NEBL: variants seen among roughly 807,000 people sequenced by gnomAD.
The protein encoded by NEBL is LIM and SH3 protein 2.
Under a neutral mutation model 140.2 loss-of-function variants are expected in NEBL, and 122 were observed. The observed-to-expected ratio is 0.87, with a 90% CI of 0.75 to 1.01. NEBL has a LOEUF of 1.01. Ranked by LOEUF, NEBL falls within the 50% of genes least tolerant of loss-of-function variation. The pLI, the probability that NEBL is intolerant of heterozygous loss-of-function variation, is 0.00. For missense variants in NEBL, 1,365 were observed against 1,231.3 expected, an observed-to-expected ratio of 1.11 and a Z score of -1.62; for synonymous variants, 436 against 398.9, an observed-to-expected ratio of 1.09 and a Z score of -1.11.
intron 12 of NEBL, among the ~76,000 whole-genome samples, chr10:20,842,019 T>C (rs918722004): frequency 2.0e-5 from 3 of 152,152 alleles, no homozygotes; most frequent in African/African-American, 7.2e-5. Context: ...ATGAAAATCA[T>C]AAATATCTTA....
chr10:20,951,192 C>T (rs1486346855), intron 4 of NEBL, among the ~76,000 whole-genome samples: 1 of 152,094 alleles, frequency 6.6e-6, no homozygotes, highest in Non-Finnish European at 1.5e-5. Context: ...AAGCAAAAAA[C>T]ATGACTTCCT....
chr10:20,795,308 G>A (rs2131663230), intron 26 of NEBL, among the ~76,000 whole-genome samples: 1 of 152,236 alleles, frequency 6.6e-6, no homozygotes, highest in Non-Finnish European at 1.5e-5. Context: ...TAGGCTCATA[G>A]AGGTTACTCT....
intron 2 of NEBL, among the ~76,000 whole-genome samples, chr10:21,120,676 A>G (rs1278728147): frequency 1.1e-5 from 1 of 91,432 alleles, no homozygotes; most frequent in African/African-American, 4.5e-5. Context: ...GTATTTCATG[A>G]CAGCAAAAAA....
intron 2 of NEBL, among the ~76,000 whole-genome samples, chr10:21,052,568 T>C (rs1184933050): frequency 6.6e-6 from 1 of 152,196 alleles, no homozygotes; most frequent in African/African-American, 2.4e-5. Context: ...CAGCTGACTG[T>C]CACCGATTGG....
chr10:21,044,527 T>C (rs1238835294), intron 2 of NEBL, among the ~76,000 whole-genome samples: 3 of 150,712 alleles, frequency 2.0e-5, no homozygotes, highest in Non-Finnish European at 4.4e-5. Context: ...TGCTGATTCA[T>C]GCAGTGCTGT....
At chr10:21,163,308 G>C (rs368474172) in intron 2 of NEBL, among the ~76,000 whole-genome samples, 12 of 152,322 alleles carry the variant, frequency 7.9e-5, no homozygotes, top group African/African-American at 2.9e-4. Context: ...GGCAGGAAAT[G>C]CATGAAGCTC....
At chr10:21,088,523 A>C (rs144222666) in intron 2 of NEBL, among the ~76,000 whole-genome samples, 169 of 152,210 alleles carry the variant, frequency 1.1e-3, no homozygotes, top group African/African-American at 3.5e-3. Flanking sequence ...GAAGTGACAC[A>C]CATCACTCTG....
intron 3 of NEBL, among the ~76,000 whole-genome samples, chr10:21,191,548 T>C (rs1841574055): frequency 6.6e-6 from 1 of 152,198 alleles, no homozygotes; most frequent in Admixed American, 6.5e-5. Context: ...CTTTGGAATG[T>C]CCTATCGTAT....
chr10:21,200,180 C>T (rs182963562), intron 3 of NEBL, among the ~76,000 whole-genome samples: 1 of 152,204 alleles, frequency 6.6e-6, no homozygotes, highest in East Asian at 1.9e-4. Flanking sequence ...CATGCGGCCC[C>T]CACTCGCTAC....
intron 4 of NEBL, among the ~76,000 whole-genome samples, chr10:20,909,052 T>C (rs1245985423): frequency 6.6e-6 from 1 of 152,056 alleles, no homozygotes; most frequent in Non-Finnish European, 1.5e-5. Flanking sequence ...ATTTATGGGG[T>C]ACATGAAATG....
rs57289458 is a variant in NEBL at position 20,896,483 on chromosome 10, C to CATATATATATATATATATAT, written c.153+455_153+474dup. On this transcript the variant is annotated intron_variant, in intron 2 of 27. Coordinates refer to ENST00000377122, the MANE Select transcript of NEBL (RefSeq NM_006393.3). Reference sequence around the variant, plus strand: ...CTGAATTGTAAATAAATATTATATGCATATATATATATATATATATATATA... The same window carrying CATATATATATATATATATAT: ...CTGAATTGTAAATAAATATTATATGCATATATATATATATATATATATATATATATATATATATATATATA... 8.9e-4 allele frequency among the ~76,000 whole-genome samples: 78 copies of CATATATATATATATATATAT among 88,038 alleles called. 3 individuals are homozygous for CATATATATATATATATATAT. The highest frequency in any genetic ancestry group is 1.8e-3 in the South Asian group (5 of 2,762). 57.8% of individuals were successfully genotyped at this position (88,038 alleles called of 152,430 possible).
At chr10:21,162,207 C>G (rs184620929) in intron 2 of NEBL, among the ~76,000 whole-genome samples, 9 of 152,312 alleles carry the variant, frequency 5.9e-5, no homozygotes, top group Admixed American at 3.9e-4. Context: ...GACAGGGAAG[C>G]CCCATATCCA....
At chr10:21,178,912 C>A (rs748406187), upstream of NEBL, among the ~76,000 whole-genome samples, 2 of 152,082 alleles carry the variant, frequency 1.3e-5, no homozygotes, top group African/African-American at 2.4e-5. Context: ...CAAGACAGAC[C>A]CTTTGTGGCA....
intron 2 of NEBL, among the ~76,000 whole-genome samples, chr10:21,136,121 A>G (rs990647962): frequency 1.3e-5 from 2 of 152,242 alleles, no homozygotes; most frequent in Non-Finnish European, 2.9e-5. Context: ...CCAGTGGAAG[A>G]TACTCTAACC....
intron 4 of NEBL, among the ~76,000 whole-genome samples, chr10:20,941,187 A>G (rs541366589): frequency 2.0e-5 from 3 of 152,350 alleles, no homozygotes; most frequent in Admixed American, 2.0e-4. Flanking sequence ...AAAATCCTCA[A>G]TAAAATACTG....
intron 3 of NEBL, among the ~76,000 whole-genome samples, chr10:21,223,028 G>A (rs190609640): frequency 6.6e-6 from 1 of 152,320 alleles, no homozygotes; most frequent in Non-Finnish European, 1.5e-5. Flanking sequence ...TTCCCAAAGT[G>A]CTGGGATTAC....
intron 2 of NEBL, among the ~76,000 whole-genome samples, chr10:21,098,278 A>G (rs1386379706): frequency 6.6e-6 from 1 of 152,198 alleles, no homozygotes; most frequent in South Asian, 2.1e-4. Context: ...TGTCACACAG[A>G]GAGTGCAGAA....
chr10:21,076,626 A>G (rs1028754696), intron 2 of NEBL, among the ~76,000 whole-genome samples: 5 of 152,148 alleles, frequency 3.3e-5, no homozygotes, highest in African/African-American at 1.2e-4. Context: ...TCCATCAATG[A>G]ATGAATCAGA....
At chr10:20,980,329 CAGAACAAAA>C (rs1836984750) in intron 3 of NEBL, among the ~76,000 whole-genome samples, 1 of 141,240 alleles carries the variant, frequency 7.1e-6, no homozygotes, top group Non-Finnish European at 1.5e-5. Flanking sequence ...TTTTTTGTTC[CAGAACAAAA>C]AGAACAAAAA....
Sources: allele counts gnomAD v4.1 joint callset (sites outside exome capture counted in the v4.1 genomes callset), GRCh38; gene constraint gnomAD v4.1.1; transcripts MANE v1.5; gene names NCBI Gene and HGNC (gene_info 2026-07-23, HGNC 2026-07-21).